Variants in NUP98 observed in about 807,000 individuals in gnomAD.
The protein encoded by NUP98 is nucleoporin 98 and 96 precursor.
Under a neutral mutation model 191.9 loss-of-function variants are expected in NUP98, and 26 were observed. The observed-to-expected ratio is 0.14, with a 90% CI of 0.10 to 0.19. The LOEUF (loss-of-function observed/expected upper bound fraction) is 0.19, where lower values mean the gene tolerates loss of function less well. Among genes scored for constraint, NUP98 ranks in the 10% least tolerant of loss-of-function variants. The pLI is 1.00. For synonymous variants in NUP98, 808 were observed against 778.4 expected (o/e 1.04, Z -0.63); for missense variants, 1,941 against 2,178.8 (o/e 0.89, Z 2.17).
chr11:3,786,050 A>C (rs1162708804), intron 1 of NUP98, among the ~76,000 whole-genome samples: 3 of 152,084 alleles, frequency 2.0e-5, no homozygotes, highest in Non-Finnish European at 4.4e-5. Context: ...ATCTCATGTA[A>C]ACCTCCCAAG....
intron 25 of NUP98, among the ~76,000 whole-genome samples, chr11:3,697,804 C>T (rs958364358): frequency 4.3e-5 from 5 of 115,798 alleles, no homozygotes; most frequent in African/African-American, 1.7e-4. Flanking sequence ...GGTAAACACA[C>T]AGACAGACTC....
intron 13 of NUP98, among the ~76,000 whole-genome samples, chr11:3,734,982 T>A (rs748846741): frequency 2.4e-4 from 36 of 152,224 alleles, no homozygotes; most frequent in Non-Finnish European, 4.3e-4. Flanking sequence ...TCAGCATTGA[T>A]CTTCAGTGTA....
At chr11:3,747,018 T>C (rs1487807350) in intron 11 of NUP98, among the ~76,000 whole-genome samples, 1 of 152,170 alleles carries the variant, frequency 6.6e-6, no homozygotes, top group African/African-American at 2.4e-5. Context: ...GGTATTTTTA[T>C]CCAGATCTGC....
chr11:3,700,222 C>T (rs1358657907), intron 24 of NUP98, among the ~76,000 whole-genome samples: 1 of 142,342 alleles, frequency 7.0e-6, no homozygotes, highest in Non-Finnish European at 1.5e-5. Flanking sequence ...GGTGTGGTGG[C>T]GCGCGCCTAT....
chr11:3,699,224 G>A lies in NUP98; in HGVS notation c.3867C>T (p.Phe1289=), dbSNP rs2134096506. 1 of 1,614,204 alleles carries A rather than the reference G, an allele frequency of 6.2e-7. No individual in the cohort carries two copies. The highest frequency in any genetic ancestry group is 8.5e-7 in the Non-Finnish European group (1 of 1,180,036). ...TGGCAGTACAGGATAGCCAGCGGGAGAAAGCTCTTCTTCGCTCCAGAATTT... is the reference window on the plus strand; with the variant it reads ...TGGCAGTACAGGATAGCCAGCGGGAAAAAGCTCTTCTTCGCTCCAGAATTT... ...YIQILERRRA[F]SRWLSCTATP... Residue 1289 remains phenylalanine, a synonymous_variant, in exon 25 of 33, where the codon TTC becomes TTT. Transcript: ENST00000324932.
chr11:3,731,670 C>A, intron 13 of NUP98, 92 bp from the exon 14 acceptor site: 1 of 836,194 alleles, frequency 1.2e-6, no homozygotes, highest in Non-Finnish European at 1.7e-6. Flanking sequence ...CAATCCTCAT[C>A]TTTGTCATTC....
At chr11:3,751,409 T>C (rs2080746285) in intron 11 of NUP98, among the ~76,000 whole-genome samples, 1 of 152,026 alleles carries the variant, frequency 6.6e-6, no homozygotes, top group African/African-American at 2.4e-5. Flanking sequence ...AAGACATGTA[T>C]GTACAGACGT....
rs4910549 is a variant in NUP98, at chr11:3,774,928, A to T, written c.495+954T>A. Among the ~76,000 whole-genome samples, 1,143 of 152,204 alleles carry T rather than the reference A, an allele frequency of 7.5e-3. 18 individuals carry two copies. Among genetic ancestry groups the T allele is most frequent in the African/African-American group, 0.025 (1,028 of 41,532 alleles). On this transcript the variant is annotated intron_variant, in intron 5 of 32. Coordinates refer to ENST00000324932, the MANE Select transcript of NUP98 (RefSeq NM_016320.5). ...TATGAATTAACCAATTTACCTGACA[A>T]ATTCTTCATTTTCTGGAGTATATTT... is the stretch of plus-strand genomic sequence containing the variant.
rs766456018 is a variant in NUP98, at chr11:3,775,953, T to G, written c.424A>C (p.Ser142Arg). ...GGCCCAAAGAGGGAGCCAGATGTGCTGCCAAAAGGATTAGAGGTGGTATTT... is the reference window on the plus strand; with the variant it reads ...GGCCCAAAGAGGGAGCCAGATGTGCGGCCAAAAGGATTAGAGGTGGTATTT... ...TTNTTSNPFG[S>R]TSGSLFGPSS... Residue 142 changes from serine (S) to arginine (R), a missense_variant, in exon 5 of 33, where the codon AGC becomes CGC. By Grantham distance (110) the Ser-to-Arg change is moderately radical. Coordinates refer to ENST00000324932, the MANE Select transcript of NUP98 (RefSeq NM_016320.5). The G allele has an allele frequency of 1.2e-6, 2 of 1,613,554 alleles. No homozygotes were observed. The highest frequency in any genetic ancestry group is 1.7e-6 in the Non-Finnish European group (2 of 1,179,524).
chr11:3,698,238 A>C (rs1456867695), intron 25 of NUP98, among the ~76,000 whole-genome samples: 1 of 152,238 alleles, frequency 6.6e-6, no homozygotes, highest in Non-Finnish European at 1.5e-5. Context: ...CAGTGTCTGG[A>C]CATATTTGTA....
At chr11:3,788,277 A>G (rs2082210777) in intron 1 of NUP98, among the ~76,000 whole-genome samples, 1 of 152,188 alleles carries the variant, frequency 6.6e-6, no homozygotes, top group East Asian at 1.9e-4. Context: ...AGTGAAGAGT[A>G]TATTAGCTTT....
Position 3,723,313 on chromosome 11 carries a change from T to C in NUP98, c.1990A>G (p.Ser664Gly). 1 of 1,614,222 alleles carries C rather than the reference T, an allele frequency of 6.2e-7. No homozygotes were observed. The highest frequency in any genetic ancestry group is 8.5e-7 in the Non-Finnish European group (1 of 1,180,040). ...ACAATGGTATCATCCACACTGTTGC[T>C]GTTGCTGTGTTTATTTCCAGCACTT... The part of the protein sequence containing the change: ...PESAGNKHSN[S>G]NSVDDTIVAL... Residue 664 changes from serine (S) to glycine (G), a missense_variant, in exon 16 of 33, where the codon AGC becomes GGC. Physicochemically the swap from Ser to Gly is moderately conservative, Grantham distance 56. Transcript: ENST00000324932.
intron 22 of NUP98, among the ~76,000 whole-genome samples, chr11:3,704,832 T>G (rs573454685): frequency 5.2e-4 from 79 of 152,280 alleles, no homozygotes; most frequent in Admixed American, 1.2e-3. Flanking sequence ...GATAGCAAGA[T>G]CCATCTCTAT....
intron 19 of NUP98, among the ~76,000 whole-genome samples, chr11:3,713,204 T>C (rs1285679549): frequency 6.6e-5 from 10 of 152,180 alleles, no homozygotes; most frequent in Admixed American, 5.9e-4. Flanking sequence ...GTTGATCCAA[T>C]AGACACCTGC....
intron 20 of NUP98, 72 bp downstream of exon 20, chr11:3,712,492 A>C (rs763098273): frequency 6.3e-7 from 1 of 1,597,422 alleles, no homozygotes; most frequent in South Asian, 1.1e-5. Flanking sequence ...ACAGCTTTGT[A>C]TTAGCTGAAT....
Position 3,699,207 on chromosome 11 carries a change from C to T in NUP98, c.3884G>A (p.Cys1295Tyr). ...CTCTTCAATCTGAGGTGTGGCAGTA[C>T]AGGATAGCCAGCGGGAGAAAGCTCT... ...RRRAFSRWLS[C>Y]TATPQIEEEV... Residue 1295 changes from cysteine (C) to tyrosine (Y), a missense_variant, in exon 25 of 33, where the codon TGT becomes TAT. Cys to Tyr is a radical substitution (Grantham distance 194, BLOSUM62 -2). Coordinates refer to ENST00000324932, the MANE Select transcript of NUP98 (RefSeq NM_016320.5). The T allele has an allele frequency of 1.2e-6, 2 of 1,614,166 alleles. No individual in the cohort carries two copies. Among genetic ancestry groups the T allele is most frequent in the Non-Finnish European group, 8.5e-7 (1 of 1,180,034 alleles).
intron 1 of NUP98, among the ~76,000 whole-genome samples, chr11:3,790,183 A>G (rs1299721949): frequency 2.0e-5 from 3 of 152,218 alleles, no homozygotes; most frequent in Non-Finnish European, 4.4e-5. Context: ...TGTAACATTT[A>G]CTGAGGATGA....
At chr11:3,702,924 A>G in intron 22 of NUP98, 32 bp from the exon 23 acceptor site, 1 of 1,525,260 alleles carries the variant, frequency 6.6e-7, no homozygotes, top group South Asian at 1.2e-5. Flanking sequence ...GGGGAGAAAG[A>G]CTATTACAAA....
At chr11:3,754,714 G>A (rs1363231125) in intron 10 of NUP98, among the ~76,000 whole-genome samples, 1 of 152,020 alleles carries the variant, frequency 6.6e-6, no homozygotes, top group Non-Finnish European at 1.5e-5. Flanking sequence ...GGCCAAGGTG[G>A]GCAGGTCACT....
Sources: allele counts gnomAD v4.1 joint callset (sites outside exome capture counted in the v4.1 genomes callset), GRCh38; gene constraint gnomAD v4.1.1; transcripts MANE v1.5; gene names NCBI Gene and HGNC (gene_info 2026-07-23, HGNC 2026-07-21).